Variants in EXOC2 observed in about 807,000 individuals in gnomAD.
EXOC2 encodes the protein exocyst complex component 2.
Under a neutral mutation model 131.8 loss-of-function variants are expected in EXOC2, and 70 were observed. That is an observed-to-expected ratio of 0.53 (90% CI 0.44 to 0.65). The LOEUF is 0.65. Among genes scored for constraint, EXOC2 ranks in the 30% least tolerant of loss-of-function variants. EXOC2 has a pLI of 0.00. For synonymous variants in EXOC2, 411 were observed against 398.4 expected (o/e 1.03, Z -0.38); for missense variants, 923 against 1,108.6 (o/e 0.83, Z 2.38).
At chr6:521,788 A>G (rs893682156) in intron 23 of EXOC2, among the ~76,000 whole-genome samples, 1 of 152,114 alleles carries the variant, frequency 6.6e-6, no homozygotes, top group Non-Finnish European at 1.5e-5. Flanking sequence ...TCAGCCTCCC[A>G]AAGTGCTGGG....
At position 556,528 on chromosome 6, in the gene EXOC2, G is replaced by A. The variant is rs1420030762; in HGVS notation, c.1888C>T (p.Gln630Ter). 1.2e-6 allele frequency: 2 copies of A among 1,614,026 alleles called. No homozygotes were observed. The highest frequency in any genetic ancestry group is 1.7e-6 in the Non-Finnish European group (2 of 1,180,032). The change falls in exon 18 of 28, where the codon CAG becomes TAG. Residue 630 changes from glutamine to a stop codon, truncating the protein, a stop_gained. Transcript: ENST00000230449. LOFTEE classifies it high-confidence loss of function. ...QFEQCIVCSL[Q>*]SLKGVLECKP... ...CACTCCAGAACCCCCTTCAGTGACT[G>A]CAGAGAACACACGATGCACTGTTCA... is the stretch of plus-strand genomic sequence containing the variant.
At chr6:619,600 A>C (rs1150856) in intron 4 of EXOC2, 57 bp from the exon 5 acceptor site, 231,566 of 1,173,002 alleles carry the variant, frequency 0.2, 25,923 homozygotes, top group African/African-American at 0.46. Context: ...AAAAATGGAA[A>C]AGGTATCACT....
chr6:542,979 T>A (rs760193485), intron 22 of EXOC2, among the ~76,000 whole-genome samples: 2 of 151,850 alleles, frequency 1.3e-5, no homozygotes, highest in Admixed American at 1.3e-4. Flanking sequence ...TCTGGGTTTT[T>A]GAAAGCCCAT....
chr6:549,320 C>A (rs771182383), intron 21 of EXOC2, 29 bp from the exon 22 acceptor site: 48 of 1,531,590 alleles, frequency 3.1e-5, no homozygotes, highest in Non-Finnish European at 4.3e-5. Context: ...TTTAGAAAAT[C>A]ACCTTTATGG....
At chr6:487,327 AG>A (rs35985896) in intron 27 of EXOC2, among the ~76,000 whole-genome samples, 96,646 of 152,094 alleles carry the variant, frequency 0.64, 32,857 homozygotes, top group Non-Finnish European at 0.75. Context: ...AAGCAGGGTT[AG>A]GGGCTAATTC....
At chr6:680,689 T>C (rs1764363401) in intron 1 of EXOC2, among the ~76,000 whole-genome samples, 1 of 152,152 alleles carries the variant, frequency 6.6e-6, no homozygotes, top group African/African-American at 2.4e-5. Context: ...ATGCATTTTT[T>C]TGGGCTGGGG....
At chr6:599,312 T>C (rs1759995027) in intron 7 of EXOC2, 87 bp from the exon 8 acceptor site, 1 of 1,227,600 alleles carries the variant, frequency 8.1e-7, no homozygotes, top group Non-Finnish European at 1.1e-6. Context: ...AAAATGTTAA[T>C]ACTGCTATTG....
chr6:590,115 G>GC (rs1759458349), intron 11 of EXOC2, among the ~76,000 whole-genome samples: 1 of 141,988 alleles, frequency 7.0e-6, no homozygotes, highest in African/African-American at 2.6e-5. Flanking sequence ...ACTCTGTCTG[G>GC]AAAAAAAAAA....
chr6:659,995 T>TG (rs538836534), intron 1 of EXOC2, among the ~76,000 whole-genome samples: 5,616 of 37,930 alleles, frequency 0.15, 125 homozygotes, highest in Non-Finnish European at 0.2. Context: ...TCAGGGCTGT[T>TG]GGGGGGGGGA....
chr6:633,037 C>T lies in EXOC2; in HGVS notation c.199G>A (p.Ala67Thr), dbSNP rs1761930485. The T allele has an allele frequency of 6.2e-7, 1 of 1,614,010 alleles. No individual in the cohort carries two copies. The highest frequency in any genetic ancestry group is 1.7e-5 in the Admixed American group (1 of 59,988). The change falls in exon 3 of 28, where the codon GCC (alanine) becomes ACC (threonine). Residue 67 changes from alanine to threonine, a missense_variant. Ala to Thr is a moderately conservative substitution (Grantham distance 58). Coordinates refer to ENST00000230449, the MANE Select transcript of EXOC2 (RefSeq NM_018303.6). ...ATAATGTCTCCTTTGTCATTTTTGG[C>T]TTGTCCCACTCGACATACTATTTTA... ...ASKIVCRVGQAKNDKGDIIVT... is the reference protein window; with the variant it reads ...ASKIVCRVGQTKNDKGDIIVT...
intron 6 of EXOC2, among the ~76,000 whole-genome samples, chr6:615,300 T>C (rs940822704): frequency 3.9e-5 from 6 of 152,000 alleles, no homozygotes; most frequent in African/African-American, 1.5e-4. Flanking sequence ...GCAGTGTCTG[T>C]TCAGGAGACC....
intron 11 of EXOC2, among the ~76,000 whole-genome samples, chr6:577,085 T>G (rs571172713): frequency 6.6e-6 from 1 of 152,308 alleles, no homozygotes; most frequent in South Asian, 2.1e-4. Flanking sequence ...TGGGTGGTGG[T>G]GGGAGGATAA....
chr6:636,012 A>C (rs1486502967), intron 2 of EXOC2, among the ~76,000 whole-genome samples: 1 of 152,246 alleles, frequency 6.6e-6, no homozygotes, highest in Non-Finnish European at 1.5e-5. Context: ...GCAGTCAGCC[A>C]AGATCACGCC....
At chr6:594,078 T>A (rs3823133) in intron 10 of EXOC2, among the ~76,000 whole-genome samples, 1 of 152,172 alleles carries the variant, frequency 6.6e-6, no homozygotes, top group Admixed American at 6.5e-5. Flanking sequence ...AAACAGGATG[T>A]GTCTCTGTGC....
chr6:576,160 T>G (rs1041107994), intron 12 of EXOC2, among the ~76,000 whole-genome samples: 1 of 152,246 alleles, frequency 6.6e-6, no homozygotes, highest in Non-Finnish European at 1.5e-5. Context: ...ATATCTGTTA[T>G]TGAGATCACA....
intron 5 of EXOC2, among the ~76,000 whole-genome samples, chr6:618,838 T>C (rs1268862398): frequency 1.3e-5 from 2 of 152,254 alleles, no homozygotes; most frequent in Non-Finnish European, 2.9e-5. Flanking sequence ...CAATAAACCA[T>C]TGATTTATCC....
intron 24 of EXOC2, among the ~76,000 whole-genome samples, chr6:498,952 A>C (rs1269483626): frequency 6.6e-6 from 1 of 152,158 alleles, no homozygotes; most frequent in African/African-American, 2.4e-5. Flanking sequence ...TCCTGAAATG[A>C]CTGAATGAAA....
chr6:545,982 T>C (rs367746472), intron 22 of EXOC2, among the ~76,000 whole-genome samples: 2 of 152,170 alleles, frequency 1.3e-5, no homozygotes, highest in Non-Finnish European at 2.9e-5. Context: ...AAAATGTTTC[T>C]TTTTTTCTCA....
chr6:593,126 G>A (rs1209966415), intron 10 of EXOC2, among the ~76,000 whole-genome samples: 1 of 152,078 alleles, frequency 6.6e-6, no homozygotes, highest in Non-Finnish European at 1.5e-5. Flanking sequence ...ACAGCTCTTT[G>A]TAAAAAGATA....
Sources: allele counts gnomAD v4.1 joint callset (sites outside exome capture counted in the v4.1 genomes callset), GRCh38; gene constraint gnomAD v4.1.1; transcripts MANE v1.5; gene names NCBI Gene and HGNC (gene_info 2026-07-23, HGNC 2026-07-21).